The following UNC13B variants were observed in gnomAD, a reference collection of about 807,000 sequenced individuals.
UNC13B encodes the protein protein unc-13 homolog B.
A neutral mutation model predicts 211.0 loss-of-function variants in UNC13B; 144 were observed. That is an observed-to-expected ratio of 0.68 (90% CI 0.60 to 0.78). The LOEUF (loss-of-function observed/expected upper bound fraction) is 0.78. UNC13B is among the 30% of genes least tolerant of loss of function. The pLI is 0.00. For missense variants in UNC13B, 1,777 were observed against 2,002.0 expected, an observed-to-expected ratio of 0.89 and a Z score of 2.14; for synonymous variants, 709 against 725.8, an observed-to-expected ratio of 0.98 and a Z score of 0.37.
intron 24 of UNC13B, 21 bp downstream of exon 24, chr9:35,386,314 TG>T (rs771481719): frequency 6.2e-7 from 1 of 1,613,022 alleles, no homozygotes; most frequent in African/African-American, 1.3e-5. Context: ...CAGGATCAGG[TG>T]GGGCCAGCTG....
chr9:35,337,409 A>C (rs528499903), intron 11 of UNC13B, among the ~76,000 whole-genome samples: 2 of 152,176 alleles, frequency 1.3e-5, no homozygotes, highest in Non-Finnish European at 2.9e-5. Context: ...ATGGATTCCA[A>C]TGATCCAGTA....
rs1834812758 is a variant in UNC13B, at chr9:35,381,233, A to G, written c.10491+18A>G. 6.2e-7 allele frequency: 1 copy of G among 1,604,716 alleles called. No individual in the cohort carries two copies. The highest frequency in any genetic ancestry group is 1.7e-5 in the Admixed American group (1 of 59,558). On this transcript the variant is annotated intron_variant, in intron 19 of 39. Transcript: ENST00000635942. The stretch of plus-strand genomic sequence containing the variant: ...TCCATGAGGTGAGCCAGCCCTTGGT[A>G]GGTGGGGGATCAGAAAGCAGTGCTG...
intron 6 of UNC13B, among the ~76,000 whole-genome samples, chr9:35,245,948 C>A (rs1023423133): frequency 6.6e-6 from 1 of 152,142 alleles, no homozygotes; most frequent in Admixed American, 6.5e-5. Context: ...AATGGTTGAA[C>A]CAGTTTCCAG....
In UNC13B at chr9:35,376,261, G is replaced by A. The variant is rs369676838; in HGVS notation, c.9835+14G>A. 4.1e-4 allele frequency: 658 copies of A among 1,611,450 alleles called. No individual in the cohort carries two copies. The highest frequency in any genetic ancestry group is 5.3e-4 in the Non-Finnish European group (624 of 1,179,166). ...ACTGCCTGCAGCGTGAGTGCCCTGC[G>A]GGATGAGGGGCGGGGAGTGGGGCAG... On this transcript the variant is annotated intron_variant, in intron 15 of 39. Coordinates refer to ENST00000635942, the MANE Select transcript of UNC13B (RefSeq NM_001371189.2).
intron 37 of UNC13B, among the ~76,000 whole-genome samples, chr9:35,401,249 C>T (rs540139805): frequency 1.3e-5 from 2 of 152,156 alleles, no homozygotes; most frequent in African/African-American, 2.4e-5. Context: ...GTGTGTGAAT[C>T]TGGGGCACAG....
In UNC13B at chr9:35,202,385, T is replaced by G. The variant is rs140461206; in HGVS notation, c.23-25630T>G. Among the ~76,000 whole-genome samples, 66 of 152,308 alleles carry G rather than the reference T, an allele frequency of 4.3e-4. 1 individual carries two copies. The East Asian group carries it at 0.01, about 24-fold the overall frequency. ...GGTGCAGAGTTCAATTCTTGGTGAG[T>G]TCAATTCCTGGATATCCTTGTTAAC... On this transcript the variant is annotated intron_variant, in intron 1 of 39. Transcript: ENST00000635942.
In UNC13B at chr9:35,241,014, A is replaced by G. The variant is rs113045312; in HGVS notation, c.395-2277A>G. Among the ~76,000 whole-genome samples the G allele has an allele frequency of 7.9e-4, 119 of 150,186 alleles. 1 individual carries two copies. The South Asian group carries it at 0.018, about 23-fold the overall frequency. ...GGAGGTTGCAGTGAGCTGAGATTCC[A>G]CCACTGCTCTCCAGCCTAGGTGATA... On this transcript the variant is annotated intron_variant, in intron 5 of 39. Transcript: ENST00000635942.
At chr9:35,230,097 C>T (rs1825110297) in intron 2 of UNC13B, among the ~76,000 whole-genome samples, 1 of 152,132 alleles carries the variant, frequency 6.6e-6, no homozygotes, top group Non-Finnish European at 1.5e-5. Flanking sequence ...AGTTTCAGGC[C>T]ACCACCTTTG....
chr9:35,352,173 G>A, intron 11 of UNC13B: 6 of 1,232,210 alleles, frequency 4.9e-6, no homozygotes, highest in Non-Finnish European at 6.1e-6. Context: ...GACAGACCCA[G>A]TGAGGAAGCC....
At chr9:35,185,544 G>A (rs1463902447) in intron 1 of UNC13B, among the ~76,000 whole-genome samples, 11 of 152,100 alleles carry the variant, frequency 7.2e-5, no homozygotes, top group Admixed American at 4.6e-4. Context: ...TTCCAACCCC[G>A]AGCTTCACTC....
intron 11 of UNC13B, among the ~76,000 whole-genome samples, chr9:35,359,596 AC>A (rs1236339852): frequency 2.0e-5 from 3 of 152,056 alleles, no homozygotes; most frequent in Non-Finnish European, 2.9e-5. Flanking sequence ...TGTCTTTCTT[AC>A]CCATGAGTGG....
At chr9:35,313,667 A>AATAC (rs1454485526) in intron 10 of UNC13B, among the ~76,000 whole-genome samples, 3 of 151,254 alleles carry the variant, frequency 2.0e-5, no homozygotes, top group Admixed American at 6.6e-5. Flanking sequence ...TAAATAAATA[A>AATAC]ATAAATAAAA....
At chr9:35,182,751 T>C (rs946347105) in intron 1 of UNC13B, among the ~76,000 whole-genome samples, 21 of 152,298 alleles carry the variant, frequency 1.4e-4, no homozygotes, top group Non-Finnish European at 2.6e-4. Flanking sequence ...TAACTCTGAG[T>C]TGACACAGCA....
At position 35,304,427 on chromosome 9, in the gene UNC13B, TG is replaced by T. The variant is rs2131837202; in HGVS notation, c.5024del (p.Cys1675LeufsTer3). 2.5e-6 allele frequency: 1 copy of T among 398,704 alleles called. No individual in the cohort carries two copies. Among genetic ancestry groups the T allele is most frequent in the African/African-American group, 2.1e-5 (1 of 48,708 alleles). 24.7% of individuals were successfully genotyped at this position (398,704 alleles called of 1,614,324 possible). A position where few individuals can be genotyped will look rare whatever the true frequency, so the allele number is the denominator to read the frequency against. ...ERPCGSEDAE[C>X]TLDLRNQPQT... ...GCCGTGTGGTTCTGAAGACGCTGAA[TG>T]TACATTAGATCTCAGAAATCAGCCC... On this transcript the variant is annotated frameshift_variant, in exon 9 of 40. Transcript: ENST00000635942. LOFTEE classifies it high-confidence loss of function.
chr9:35,356,767 C>T (rs752058826), intron 11 of UNC13B, among the ~76,000 whole-genome samples: 2 of 152,186 alleles, frequency 1.3e-5, no homozygotes, highest in Non-Finnish European at 2.9e-5. Flanking sequence ...AGTCACTCCC[C>T]ACTTCTCTTT....
chr9:35,226,356 G>GTGTGTGTGTGTGTGTA (rs1194617008), intron 1 of UNC13B, among the ~76,000 whole-genome samples: 2 of 151,280 alleles, frequency 1.3e-5, no homozygotes, highest in African/African-American at 4.8e-5. Context: ...CTGATAGGGT[G>GTGTGTGTGTGTGTGTA]TGTGTGTGTG....
At chr9:35,260,089 A>T (rs974115540) in intron 7 of UNC13B, among the ~76,000 whole-genome samples, 2 of 138,162 alleles carry the variant, frequency 1.4e-5, no homozygotes, top group African/African-American at 5.3e-5. Context: ...ATGTGCCTGT[A>T]GTCCCAGATA....
rs1829652703 is a variant in UNC13B at position 35,300,993 on chromosome 9, C to T, written c.1589C>T (p.Thr530Ile). The T allele has an allele frequency of 2.5e-6, 1 of 398,862 alleles. No individual in the cohort carries two copies. Among genetic ancestry groups the T allele is most frequent in the South Asian group, 1.3e-4 (1 of 7,866 alleles). The allele number at this position is 398,862 out of a possible 1,614,324, so 24.7% of individuals were successfully genotyped here. A position where few individuals can be genotyped will look rare whatever the true frequency, so the allele number is the denominator to read the frequency against. Residue 530 changes from threonine (T) to isoleucine (I), a missense_variant, in exon 9 of 40, where the codon ACT becomes ATT. Thr to Ile is a moderately conservative substitution (Grantham distance 89, BLOSUM62 -1). Transcript: ENST00000635942. ...ACGGCCATCTCTTTCCCTGAGTTGACTGGAGTACAATGTGCTGTTGGTTCT... is the reference window on the plus strand; with the variant it reads ...ACGGCCATCTCTTTCCCTGAGTTGATTGGAGTACAATGTGCTGTTGGTTCT... ...KDTAISFPELTGVQCAVGSLF... is the reference protein window; with the variant it reads ...KDTAISFPELIGVQCAVGSLF...
chr9:35,235,657 T>C (rs1388950994), intron 3 of UNC13B, among the ~76,000 whole-genome samples: 1 of 152,210 alleles, frequency 6.6e-6, no homozygotes. Context: ...CAAGCTGGTC[T>C]CAAACTCCTG....
Sources: allele counts gnomAD v4.1 joint callset (sites outside exome capture counted in the v4.1 genomes callset), GRCh38; gene constraint gnomAD v4.1.1; transcripts MANE v1.5; gene names NCBI Gene and HGNC (gene_info 2026-07-23, HGNC 2026-07-21).